Variants in SLC16A7 observed in about 807,000 individuals in gnomAD.
SLC16A7 encodes monocarboxylate transporter 2.
SLC16A7 carries 33 observed loss-of-function variants against 34.9 expected under a neutral mutation model. The ratio of observed to expected loss-of-function variants is 0.94; its 90% CI spans 0.72 to 1.26. The LOEUF is 1.26. Ranked by LOEUF, SLC16A7 falls within the 50% of genes most tolerant of loss-of-function variation. The pLI, the probability that SLC16A7 is intolerant of heterozygous loss-of-function variation, is 0.00. For synonymous variants in SLC16A7, 201 were observed against 206.6 expected, an observed-to-expected ratio of 0.97 and a Z score of 0.23; for missense variants, 573 against 578.1, an observed-to-expected ratio of 0.99 and a Z score of 0.09.
chr12:59,661,308 A>G (rs77754251), intron 2 of SLC16A7, among the ~76,000 whole-genome samples: 3 of 152,048 alleles, frequency 2.0e-5, no homozygotes, highest in African/African-American at 7.2e-5. Context: ...GGGAAAGAAG[A>G]TAGATTTAAC....
chr12:59,722,839 G>A (rs1465810787), intron 3 of SLC16A7, among the ~76,000 whole-genome samples: 4 of 151,844 alleles, frequency 2.6e-5, no homozygotes, highest in Non-Finnish European at 4.4e-5. Context: ...GAATAGTAGT[G>A]TCCTATAGAA....
At chr12:59,619,730 T>A (rs765826076) in intron 1 of SLC16A7, among the ~76,000 whole-genome samples, 54 of 151,962 alleles carry the variant, frequency 3.6e-4, no homozygotes, top group Non-Finnish European at 6.6e-4. Context: ...GTGGCTCTGT[T>A]GGCATGTGCA....
chr12:59,659,456 G>T lies in SLC16A7; in HGVS notation c.-31+4206G>T, dbSNP rs554515541. Among the ~76,000 whole-genome samples the T allele has an allele frequency of 2.5e-3, 386 of 152,080 alleles. 3 individuals carry two copies. Among genetic ancestry groups the T allele is most frequent in the Middle Eastern group, 0.02 (6 of 294 alleles). On this transcript the variant is annotated intron_variant, in intron 2 of 5. Coordinates refer to ENST00000547379, the MANE Select transcript of SLC16A7 (RefSeq NM_001270623.2). ...CCTCCAATGTCTATTATTCCAGCGA[G>T]TGACTATTTGAGGAAAGAGAAGCTG...
intron 2 of SLC16A7, among the ~76,000 whole-genome samples, chr12:59,677,823 A>C (rs1870431149): frequency 6.6e-6 from 1 of 152,248 alleles, no homozygotes; most frequent in Non-Finnish European, 1.5e-5. Context: ...CCAACTACAT[A>C]GGTCATGGTG....
chr12:59,636,967 A>G (rs1435652726), intron 1 of SLC16A7, among the ~76,000 whole-genome samples: 1 of 152,108 alleles, frequency 6.6e-6, no homozygotes, highest in Non-Finnish European at 1.5e-5. Context: ...GAAGTCAAGT[A>G]CCTCTGACCT....
intron 1 of SLC16A7, among the ~76,000 whole-genome samples, chr12:59,617,192 C>A (rs187279281): frequency 3.3e-5 from 5 of 152,032 alleles, no homozygotes; most frequent in Admixed American, 3.3e-4. Context: ...AATATATCAC[C>A]TAAATTAGAG....
In SLC16A7 at chr12:59,714,816, C is replaced by T. The variant is rs569281946; in HGVS notation, c.217+9798C>T. Among the ~76,000 whole-genome samples, 124 of 152,226 alleles carry T rather than the reference C, an allele frequency of 8.1e-4. 1 individual carries two copies. Among genetic ancestry groups the T allele is most frequent in the African/African-American group, 2.9e-3 (122 of 41,542 alleles). On this transcript the variant is annotated intron_variant, in intron 3 of 5. Transcript: ENST00000547379. Reference sequence around the variant, plus strand: ...CTGACCTCAGGTGATCCACCCGCCTCGGCCTCCCAAAGTGCTGGGATTACA... The same window carrying T: ...CTGACCTCAGGTGATCCACCCGCCTTGGCCTCCCAAAGTGCTGGGATTACA...
Position 59,694,834 on chromosome 12 carries a change from T to TATG in SLC16A7, c.-30-9935_-30-9933dup, listed in dbSNP as rs543855505. Among the ~76,000 whole-genome samples the TATG allele has an allele frequency of 1.4e-3, 218 of 152,088 alleles. 1 individual carries two copies. Among genetic ancestry groups the TATG allele is most frequent in the Middle Eastern group, 6.8e-3 (2 of 294 alleles). On this transcript the variant is annotated intron_variant, in intron 2 of 5. Transcript: ENST00000547379. ...TATCTGCATAAGTGTATATGAAATA[T>TATG]ATGATAGTTAATATATGTAAAGAAA...
intron 2 of SLC16A7, among the ~76,000 whole-genome samples, chr12:59,685,028 A>G (rs1427283449): frequency 1.3e-5 from 2 of 152,140 alleles, no homozygotes; most frequent in Admixed American, 1.3e-4. Context: ...GGAGACTCAC[A>G]ATCTTGACTA....
At chr12:59,632,506 C>A (rs1235273675) in intron 1 of SLC16A7, among the ~76,000 whole-genome samples, 2 of 151,864 alleles carry the variant, frequency 1.3e-5, no homozygotes, top group Non-Finnish European at 2.9e-5. Context: ...TTTAAGGAGG[C>A]ATTCATTCTT....
chr12:59,694,070 C>T (rs987309259), intron 2 of SLC16A7, among the ~76,000 whole-genome samples: 2 of 151,842 alleles, frequency 1.3e-5, no homozygotes, highest in Non-Finnish European at 1.5e-5. Context: ...TTTTTATGCA[C>T]CCTATTACAA....
chr12:59,613,753 G>T (rs1250970444), intron 1 of SLC16A7, among the ~76,000 whole-genome samples: 1 of 152,136 alleles, frequency 6.6e-6, no homozygotes, highest in Non-Finnish European at 1.5e-5. Context: ...TTATGGTCTG[G>T]TCAAGAGCAT....
At chr12:59,617,069 A>C (rs1034316046) in intron 1 of SLC16A7, among the ~76,000 whole-genome samples, 1 of 152,078 alleles carries the variant, frequency 6.6e-6, no homozygotes, top group Non-Finnish European at 1.5e-5. Context: ...TGTATGAATA[A>C]AATCACTTCT....
At chr12:59,628,271 C>G (rs954220198) in intron 1 of SLC16A7, among the ~76,000 whole-genome samples, 1 of 151,810 alleles carries the variant, frequency 6.6e-6, no homozygotes, top group Non-Finnish European at 1.5e-5. Context: ...CTTTTAAAGT[C>G]TTAAATTATC....
At chr12:59,603,339 T>G (rs1453776118) in intron 1 of SLC16A7, among the ~76,000 whole-genome samples, 1 of 152,166 alleles carries the variant, frequency 6.6e-6, no homozygotes, top group African/African-American at 2.4e-5. Context: ...CTGCATGATG[T>G]AAGTCCAAAC....
intron 1 of SLC16A7, among the ~76,000 whole-genome samples, chr12:59,603,678 ATTAT>A (rs995017952): frequency 1.3e-5 from 2 of 152,256 alleles, no homozygotes; most frequent in East Asian, 1.9e-4. Flanking sequence ...ATTTTATATA[ATTAT>A]TCAGTTTCTT....
At chr12:59,601,941 A>G (rs1218488098) in intron 1 of SLC16A7, among the ~76,000 whole-genome samples, 3 of 152,214 alleles carry the variant, frequency 2.0e-5, no homozygotes, top group South Asian at 4.1e-4. Flanking sequence ...GGAGGCACAC[A>G]TTAAGTCCGT....
intron 3 of SLC16A7, among the ~76,000 whole-genome samples, chr12:59,707,016 T>C (rs1395988681): frequency 6.6e-6 from 1 of 152,152 alleles, no homozygotes; most frequent in African/African-American, 2.4e-5. Context: ...TCTGAAGCAA[T>C]GTTTCAAAAA....
intron 1 of SLC16A7, among the ~76,000 whole-genome samples, chr12:59,642,944 G>A (rs934027808): frequency 2.0e-5 from 3 of 152,212 alleles, no homozygotes; most frequent in South Asian, 2.1e-4. Context: ...AAAGTTTATT[G>A]TAGAGCCATA....
Sources: allele counts gnomAD v4.1 joint callset (sites outside exome capture counted in the v4.1 genomes callset), GRCh38; gene constraint gnomAD v4.1.1; transcripts MANE v1.5; gene names NCBI Gene and HGNC (gene_info 2026-07-23, HGNC 2026-07-21).